The following ROR1 variants were observed in gnomAD, a reference collection of about 807,000 sequenced individuals.
ROR1 encodes inactive tyrosine-protein kinase transmembrane receptor ROR1.
In ROR1, 19 loss-of-function variants were observed where a neutral mutation model predicts 78.8. That is an observed-to-expected ratio of 0.24 (90% CI 0.17 to 0.35). The LOEUF (loss-of-function observed/expected upper bound fraction) is 0.35. Among genes scored for constraint, ROR1 ranks in the 10% least tolerant of loss-of-function variants. ROR1 has a pLI of 1.00. For synonymous variants in ROR1, 386 were observed against 433.6 expected (o/e 0.89, Z 1.36); for missense variants, 917 against 1,177.8 (o/e 0.78, Z 3.24).
rs375377261 is a variant in ROR1 at position 64,001,278 on chromosome 1, C to T, written c.92-8027C>T. Among the ~76,000 whole-genome samples, 39 of 152,204 alleles carry T rather than the reference C, an allele frequency of 2.6e-4. No individual in the cohort carries two copies. The East Asian group carries it at 7.5e-3, about 29-fold the overall frequency. ...TAAATGAGTCTGTTTATACAACATT[C>T]CTGAAACAACAAAATTATAGCAATG... On this transcript the variant is annotated intron_variant, in intron 1 of 8. Transcript: ENST00000371079.
chr1:64,155,396 T>A (rs1008105168), intron 7 of ROR1, among the ~76,000 whole-genome samples: 2 of 152,204 alleles, frequency 1.3e-5, no homozygotes, highest in Admixed American at 1.3e-4. Flanking sequence ...AGACTTACAA[T>A]GGGCCTGAAT....
At chr1:63,865,983 A>G (rs1212399289) in intron 1 of ROR1, among the ~76,000 whole-genome samples, 1 of 152,198 alleles carries the variant, frequency 6.6e-6, no homozygotes, top group African/African-American at 2.4e-5. Flanking sequence ...AAGCTGTTTT[A>G]AAGAGTAGCA....
rs376115609 is a variant in ROR1, at chr1:63,913,927, G to T, written c.92-95378G>T. 1.0e-3 allele frequency among the ~76,000 whole-genome samples: 156 copies of T among 152,174 alleles called. 1 individual carries two copies. Among genetic ancestry groups the T allele is most frequent in the Non-Finnish European group, 1.7e-3 (115 of 67,994 alleles). ...GGCTCTGTGAATGCCAGCCTCTCCC[G>T]GGGAGCCTTCCCTAGCAGTGCAGCC... is the stretch of plus-strand genomic sequence containing the variant. On this transcript the variant is annotated intron_variant, in intron 1 of 8. Coordinates refer to ENST00000371079, the MANE Select transcript of ROR1 (RefSeq NM_005012.4).
At chr1:63,984,063 C>T (rs1646232335) in intron 1 of ROR1, among the ~76,000 whole-genome samples, 1 of 152,070 alleles carries the variant, frequency 6.6e-6, no homozygotes, top group African/African-American at 2.4e-5. Flanking sequence ...CCTGATAGTT[C>T]ATGAAGACCA....
At chr1:63,780,610 G>A (rs1644645530) in intron 1 of ROR1, among the ~76,000 whole-genome samples, 1 of 152,002 alleles carries the variant, frequency 6.6e-6, no homozygotes, top group Non-Finnish European at 1.5e-5. Flanking sequence ...TAGCAACCAA[G>A]GCTCAGAGAA....
chr1:63,918,487 A>C (rs1279968816), intron 1 of ROR1, among the ~76,000 whole-genome samples: 1 of 152,156 alleles, frequency 6.6e-6, no homozygotes, highest in Non-Finnish European at 1.5e-5. Context: ...GTTCTTAAGA[A>C]CGGGGCGTGG....
chr1:64,130,938 C>T (rs371214414), intron 4 of ROR1, among the ~76,000 whole-genome samples: 4 of 152,136 alleles, frequency 2.6e-5, no homozygotes, highest in South Asian at 2.1e-4. Flanking sequence ...CATTATGTGG[C>T]CATGCTTTTA....
intron 1 of ROR1, among the ~76,000 whole-genome samples, chr1:63,914,994 A>G (rs1645598311): frequency 6.6e-6 from 1 of 152,198 alleles, no homozygotes; most frequent in Non-Finnish European, 1.5e-5. Flanking sequence ...ATTGCAAAGC[A>G]CTGTACCACT....
chr1:64,108,722 T>C, intron 4 of ROR1, among the ~76,000 whole-genome samples: 1 of 151,966 alleles, frequency 6.6e-6, no homozygotes, highest in East Asian at 1.9e-4. Context: ...GCAATGACAG[T>C]CTAAAATGGA....
At chr1:64,133,186 G>A (rs1332354361) in intron 4 of ROR1, among the ~76,000 whole-genome samples, 1 of 152,118 alleles carries the variant, frequency 6.6e-6, no homozygotes, top group Non-Finnish European at 1.5e-5. Flanking sequence ...GGGGTGGAGG[G>A]CATGCCAGCC....
intron 6 of ROR1, 57 bp downstream of exon 6, chr1:64,140,483 C>T: frequency 6.6e-7 from 1 of 1,517,512 alleles, no homozygotes; most frequent in Non-Finnish European, 9.0e-7. Flanking sequence ...CCTGTTGGCA[C>T]AGGGAAAACT....
chr1:63,949,959 G>A (rs182883464), intron 1 of ROR1, among the ~76,000 whole-genome samples: 75 of 152,194 alleles, frequency 4.9e-4, no homozygotes, highest in Non-Finnish European at 9.4e-4. Flanking sequence ...CTTGACCTTC[G>A]TTTTGTAAGT....
chr1:64,067,568 G>T (rs1646967422), intron 4 of ROR1, among the ~76,000 whole-genome samples: 1 of 150,338 alleles, frequency 6.7e-6, no homozygotes, highest in African/African-American at 2.4e-5. Flanking sequence ...TCTAGTAACT[G>T]AATCAAATAC....
At chr1:64,169,731 G>A (rs1322068487) in intron 8 of ROR1, among the ~76,000 whole-genome samples, 1 of 152,184 alleles carries the variant, frequency 6.6e-6, no homozygotes, top group Non-Finnish European at 1.5e-5. Context: ...TTCTGCCTAT[G>A]AGCCTGTAAA....
At chr1:64,056,186 T>C (rs1281076246) in intron 4 of ROR1, among the ~76,000 whole-genome samples, 1 of 152,170 alleles carries the variant, frequency 6.6e-6, no homozygotes, top group Non-Finnish European at 1.5e-5. Context: ...CTTGGGTATA[T>C]ACCTAGAAAT....
intron 1 of ROR1, among the ~76,000 whole-genome samples, chr1:63,971,770 A>C (rs1158531482): frequency 6.6e-6 from 1 of 152,182 alleles, no homozygotes; most frequent in Admixed American, 6.5e-5. Flanking sequence ...CACCGGAATC[A>C]CGGCCTTTTA....
At chr1:63,842,315 A>G in intron 1 of ROR1, among the ~76,000 whole-genome samples, 1 of 152,350 alleles carries the variant, frequency 6.6e-6, no homozygotes, top group South Asian at 2.1e-4. Flanking sequence ...AAAGAAATTT[A>G]TTAGTCATAG....
chr1:63,841,867 A>G (rs1023260768), intron 1 of ROR1, among the ~76,000 whole-genome samples: 1 of 152,124 alleles, frequency 6.6e-6, no homozygotes, highest in Non-Finnish European at 1.5e-5. Flanking sequence ...TGACCCCTAT[A>G]TATCTTTAAT....
At chr1:63,905,007 A>T (rs1020957396) in intron 1 of ROR1, among the ~76,000 whole-genome samples, 2 of 152,080 alleles carry the variant, frequency 1.3e-5, no homozygotes, top group Admixed American at 1.3e-4. Flanking sequence ...TGCTTGTTAC[A>T]GCTCCTCATC....
Sources: allele counts gnomAD v4.1 joint callset (sites outside exome capture counted in the v4.1 genomes callset), GRCh38; gene constraint gnomAD v4.1.1; transcripts MANE v1.5; gene names NCBI Gene and HGNC (gene_info 2026-07-23, HGNC 2026-07-21).